The following FRMPD4 variants were observed in gnomAD, a reference collection of about 807,000 sequenced individuals.
The protein encoded by FRMPD4 is FERM and PDZ domain containing 4, also known as FERM and PDZ domain-containing protein 4.
FRMPD4 carries 22 observed loss-of-function variants against 94.1 expected under a neutral mutation model. The observed-to-expected ratio is 0.23, with a 90% CI of 0.17 to 0.33. The LOEUF (loss-of-function observed/expected upper bound fraction) is 0.33. FRMPD4 is among the 10% of genes least tolerant of loss of function. The pLI is 1.00. For synonymous variants in FRMPD4, 631 were observed against 548.6 expected (o/e 1.15, Z -2.10); for missense variants, 1,111 against 1,339.9 (o/e 0.83, Z 2.67).
intron 4 of FRMPD4, 55 bp from the exon 5 acceptor site, chrX:12,674,801 CTTACTAG>C: frequency 1.4e-6 from 1 of 721,844 alleles, no homozygotes; most frequent in Admixed American, 2.2e-5. Flanking sequence ...AAAGAAAACT[CTTACTAG>C]TTAGAGTCCG....
chrX:12,436,285 G>A (rs919268927), intron 1 of FRMPD4, among the ~76,000 whole-genome samples: 16 of 111,419 alleles, frequency 1.4e-4, no homozygotes, highest in Non-Finnish European at 1.1e-4. Flanking sequence ...GATTACAGGC[G>A]TGAGTCACCA....
At chrX:12,134,669 G>A (rs770422605), upstream of FRMPD4, among the ~76,000 whole-genome samples, 1 of 112,007 alleles carries the variant, frequency 8.9e-6, no homozygotes, top group Non-Finnish European at 1.9e-5. Flanking sequence ...ATCCCCCGGG[G>A]CATAAAAAAT....
At chrX:12,440,949 G>C (rs1207950507) in intron 1 of FRMPD4, among the ~76,000 whole-genome samples, 2 of 112,160 alleles carry the variant, frequency 1.8e-5, no homozygotes, top group Non-Finnish European at 3.8e-5. Flanking sequence ...TATTAGAATT[G>C]CCAAATGGTA....
intron 3 of FRMPD4, among the ~76,000 whole-genome samples, chrX:11,918,330 C>T (rs138272540): frequency 5.2e-4 from 59 of 112,836 alleles, no homozygotes; most frequent in Non-Finnish European, 9.2e-4. Context: ...ACAGGCCAGG[C>T]GTGGTGGCTC....
intron 3 of FRMPD4, among the ~76,000 whole-genome samples, chrX:12,082,128 T>G (rs915893734): frequency 3.6e-5 from 4 of 112,068 alleles, no homozygotes; most frequent in African/African-American, 1.3e-4. Flanking sequence ...TGTGTATATG[T>G]GCATTCTGAA....
intron 1 of FRMPD4, among the ~76,000 whole-genome samples, chrX:12,337,853 G>A (rs2055550999): frequency 8.9e-6 from 1 of 112,423 alleles, no homozygotes; most frequent in African/African-American, 3.2e-5. Context: ...AGAAAAAGGG[G>A]CATGTATACT....
chrX:12,661,317 A>G (rs987514376), intron 4 of FRMPD4, among the ~76,000 whole-genome samples: 9 of 112,097 alleles, frequency 8.0e-5, no homozygotes, highest in African/African-American at 2.9e-4. Context: ...CTTAATAAGG[A>G]TCTTTTCTTA....
At chrX:12,423,218 G>A (rs772978935) in intron 1 of FRMPD4, among the ~76,000 whole-genome samples, 4 of 108,934 alleles carry the variant, frequency 3.7e-5, no homozygotes, top group Non-Finnish European at 5.7e-5. Context: ...CAGCCTGGGT[G>A]AGAGAGTGAG....
chrX:12,563,081 A>G (rs1158478178), intron 2 of FRMPD4, among the ~76,000 whole-genome samples: 2 of 112,236 alleles, frequency 1.8e-5, no homozygotes, highest in Non-Finnish European at 3.8e-5. Flanking sequence ...ATATCTAGCA[A>G]AAACAAAGTA....
chrX:12,450,863 CAAAAAAA>C lies in FRMPD4; in HGVS notation c.42-47803_42-47797del, dbSNP rs5901475. Among the ~76,000 whole-genome samples, 477 of 49,537 alleles carry C rather than the reference CAAAAAAA, an allele frequency of 9.6e-3. 3 individuals are homozygous for C. The highest frequency in any genetic ancestry group is 0.013 in the Non-Finnish European group (370 of 27,617). 43.0% of individuals were successfully genotyped at this position (49,537 alleles called of 115,157 possible). A position where few individuals can be genotyped will look rare whatever the true frequency, so the allele number is the denominator to read the frequency against. On this transcript the variant is annotated intron_variant, in intron 1 of 16. Transcript: ENST00000675598. The stretch of plus-strand genomic sequence containing the variant: ...TGGACTCAGTGTTGTTCTATTTATC[CAAAAAAA>C]AAAAAAAAAAAAAGAGAGAGAGAAA...
At chrX:12,176,159 G>C (rs1040235136) in intron 1 of FRMPD4, among the ~76,000 whole-genome samples, 1 of 112,208 alleles carries the variant, frequency 8.9e-6, no homozygotes, top group East Asian at 2.8e-4. Context: ...AAGCTTCAGC[G>C]CATATTAGTT....
At chrX:12,101,032 G>A (rs918603516) in intron 3 of FRMPD4, among the ~76,000 whole-genome samples, 1 of 112,274 alleles carries the variant, frequency 8.9e-6, no homozygotes, top group Non-Finnish European at 1.9e-5. Flanking sequence ...GTGATGGGTT[G>A]TAGGAAGCAA....
rs767247891 is a variant in FRMPD4 at position 12,191,728 on chromosome X, C to T, written c.41+52716C>T. ...GAGAGTAAGAGGATCAGTGGTTGCC[C>T]GGGGTTGTAGAGAGGGAGAGATGAA... On this transcript the variant is annotated intron_variant, in intron 1 of 16. Coordinates refer to ENST00000675598, the MANE Select transcript of FRMPD4 (RefSeq NM_001368397.1). Among the ~76,000 whole-genome samples, 182 of 111,288 alleles carry T rather than the reference C, an allele frequency of 1.6e-3. 1 individual carries two copies. Among genetic ancestry groups the T allele is most frequent in the African/African-American group, 2.4e-3 (72 of 30,607 alleles).
intron 1 of FRMPD4, among the ~76,000 whole-genome samples, chrX:12,417,507 A>G (rs1461524549): frequency 4.9e-5 from 5 of 101,171 alleles, no homozygotes; most frequent in Non-Finnish European, 7.9e-5. Context: ...TGAACCCAGG[A>G]GGTGGAGGTT....
intron 2 of FRMPD4, among the ~76,000 whole-genome samples, chrX:11,868,511 C>T (rs868329099): frequency 1.3e-4 from 14 of 110,856 alleles, no homozygotes; most frequent in African/African-American, 4.6e-4. Flanking sequence ...TAGGCAATTT[C>T]CATGATTAGA....
chrX:11,899,395 T>C (rs1601828676), intron 3 of FRMPD4, among the ~76,000 whole-genome samples: 1 of 110,246 alleles, frequency 9.1e-6, no homozygotes, highest in African/African-American at 3.3e-5. Context: ...TTTTTTTTTT[T>C]TTTTTGCAGC....
chrX:12,002,432 C>T (rs2054529222), intron 3 of FRMPD4, among the ~76,000 whole-genome samples: 2 of 111,913 alleles, frequency 1.8e-5, no homozygotes, highest in South Asian at 7.4e-4. Flanking sequence ...ATGCTATGGA[C>T]TCATTTAAAA....
chrX:12,058,725 C>G (rs2054868558), intron 3 of FRMPD4, among the ~76,000 whole-genome samples: 1 of 111,076 alleles, frequency 9.0e-6, no homozygotes, highest in African/African-American at 3.3e-5. Context: ...TATTTCATTT[C>G]ACTAAGTGAG....
chrX:12,332,141 A>C (rs1416812088), intron 1 of FRMPD4, among the ~76,000 whole-genome samples: 1 of 66,845 alleles, frequency 1.5e-5, no homozygotes, highest in Admixed American at 2.2e-4. Context: ...ATTATATATA[A>C]TTTATATTTT....
Sources: gnomAD v4.1 joint callset for allele counts (sites outside exome capture counted in the v4.1 genomes callset) on GRCh38, gnomAD v4.1.1 for gene constraint, MANE v1.5 for transcripts, NCBI Gene and HGNC (gene_info 2026-07-23, HGNC 2026-07-21) for gene names.